ANKRD24: variants seen among roughly 807,000 people sequenced by gnomAD.
The protein encoded by ANKRD24 is ankyrin repeat domain 24.
A neutral mutation model predicts 127.8 loss-of-function variants in ANKRD24; 109 were observed. The ratio of observed to expected loss-of-function variants is 0.85; its 90% CI spans 0.73 to 1.00. The LOEUF is 1.00. Ranked by LOEUF, ANKRD24 falls within the 50% of genes least tolerant of loss-of-function variation. The probability of loss-of-function intolerance (pLI) is 0.00; values close to 1 mark genes in which losing one functional copy is unlikely to be tolerated. For synonymous variants in ANKRD24, 743 were observed against 671.1 expected (o/e 1.11, Z -1.66); for missense variants, 1,648 against 1,570.2 (o/e 1.05, Z -0.84).
Position 4,199,392 on chromosome 19 carries a change from TG to T in ANKRD24, c.37-290del, listed in dbSNP as rs1968953276. ...TGCCCCGCTGATGATTTTTATTTTT[TG>T]TAGAGACGGGGTCCTACTATGGTGC... On this transcript the variant is annotated intron_variant, in intron 2 of 21. Coordinates refer to ENST00000318934, the MANE Select transcript of ANKRD24 (RefSeq NM_001393985.1). This position sits in a 1 kb window ranked among gnomAD's most constrained non-coding sequence, Gnocchi z 5.2. The T allele has an allele frequency of 5.6e-6, 3 of 536,752 alleles. No homozygotes were observed. Among genetic ancestry groups the T allele is most frequent in the Non-Finnish European group, 7.1e-6 (3 of 420,362 alleles). 33.2% of individuals were successfully genotyped at this position (536,752 alleles called of 1,614,324 possible).
chr19:4,224,052 G>A, intron 20 of ANKRD24, 75 bp from the exon 21 acceptor site: 1 of 1,236,206 alleles, frequency 8.1e-7, no homozygotes. Context: ...GGGGTGCAAA[G>A]GGTGCTTTTT....
chr19:4,193,531 C>G (rs377020368), intron 2 of ANKRD24, among the ~76,000 whole-genome samples: 2 of 150,860 alleles, frequency 1.3e-5, no homozygotes, highest in African/African-American at 4.9e-5. Context: ...ATGGATTACA[C>G]CGAGGGAAAT....
chr19:4,200,057 G>A, intron 4 of ANKRD24, 26 bp from the exon 5 acceptor site: 1 of 1,571,784 alleles, frequency 6.4e-7, no homozygotes, highest in South Asian at 1.2e-5. Context: ...CAACCTTGCG[G>A]CTGAACCCTT....
intron 16 of ANKRD24, 114 bp downstream of exon 16, chr19:4,216,164 G>T (rs1197621527): frequency 1.4e-6 from 2 of 1,393,050 alleles, no homozygotes; most frequent in Non-Finnish European, 2.0e-6. Context: ...GTACTCATCC[G>T]TTTTTTAAAT....
rs557390053 is a variant in ANKRD24 at position 4,210,146 on chromosome 19, ATG to A, written c.951+9_951+10del. On this transcript the variant is annotated intron_variant, in intron 12 of 21. Coordinates refer to ENST00000318934, the MANE Select transcript of ANKRD24 (RefSeq NM_001393985.1). ...GCCAGCATTCCCATGCCGGTGAGAG[ATG>A]CTCTGGGCACGGGAGGAGGCATGGG... The A allele has an allele frequency of 1.1e-4, 178 of 1,603,762 alleles. No homozygotes were observed. The African/African-American group carries it at 2.0e-3, about 18-fold the overall frequency.
chr19:4,208,669 G>C (rs970646032), intron 10 of ANKRD24, 95 bp from the exon 11 acceptor site: 1 of 1,236,326 alleles, frequency 8.1e-7, no homozygotes, highest in African/African-American at 1.5e-5. Context: ...TGATTCTTGG[G>C]GAAATCGGGA....
At chr19:4,202,219 C>G in intron 6 of ANKRD24, 129 bp downstream of exon 6, 1 of 827,800 alleles carries the variant, frequency 1.2e-6, no homozygotes, top group Admixed American at 2.3e-5. Flanking sequence ...AGAACCCTAG[C>G]TACTCCCTGG....
Position 4,200,021 on chromosome 19 carries a change from C to G in ANKRD24, c.254+16C>G. The G allele has an allele frequency of 6.4e-7, 1 of 1,563,816 alleles. No homozygotes were observed. Among genetic ancestry groups the G allele is most frequent in the Non-Finnish European group, 8.7e-7 (1 of 1,152,178 alleles). The stretch of plus-strand genomic sequence containing the variant: ...GCAAGTCCGCGTGAGTGCCCGCGAC[C>G]CGGGAGTGAGATGGCTGAGGGGTGG... On this transcript the variant is annotated intron_variant, in intron 4 of 21. Transcript: ENST00000318934.
At chr19:4,210,193 G>A (rs1444654713) in intron 12 of ANKRD24, 55 bp downstream of exon 12, 7 of 1,569,372 alleles carry the variant, frequency 4.5e-6, no homozygotes, top group Non-Finnish European at 6.1e-6. Context: ...GGCACGGGGA[G>A]GGGCTCTGGC....
intron 16 of ANKRD24, 67 bp from the exon 17 acceptor site, chr19:4,216,217 C>A: frequency 6.8e-7 from 1 of 1,477,458 alleles, no homozygotes; most frequent in Non-Finnish European, 9.2e-7. Context: ...ATCCACCACT[C>A]CAGCCCCCCA....
At position 4,217,706 on chromosome 19, in the gene ANKRD24, A is replaced by C; in HGVS notation, c.2546A>C (p.Glu849Ala). 1 of 1,291,690 alleles carries C rather than the reference A, an allele frequency of 7.7e-7. No individual in the cohort carries two copies. The highest frequency in any genetic ancestry group is 9.8e-7 in the Non-Finnish European group (1 of 1,024,202). 80.0% of individuals were successfully genotyped at this position (1,291,690 alleles called of 1,614,324 possible). The change falls in exon 18 of 22, where the codon GAG (glutamate) becomes GCG (alanine). Residue 849 changes from glutamate (E) to alanine (A), a missense_variant. Physicochemically the swap from Glu to Ala is moderately radical, Grantham distance 107. Transcript: ENST00000318934. Reference protein sequence around the residue: ...REEARLEQSRELEVLREQLAT... With the variant: ...REEARLEQSRALEVLREQLAT... ...GAGGCGCGGCTGGAGCAGAGCCGGG[A>C]GCTGGAGGTTCTGCGGGAGCAGCTG...
chr19:4,194,592 T>C (rs763687685), intron 2 of ANKRD24, among the ~76,000 whole-genome samples: 12 of 152,186 alleles, frequency 7.9e-5, no homozygotes, highest in South Asian at 4.1e-4. Flanking sequence ...TGGGCTGCTG[T>C]GAGCAGTTTG....
At chr19:4,194,734 G>A (rs1968599018) in intron 2 of ANKRD24, among the ~76,000 whole-genome samples, 1 of 152,202 alleles carries the variant, frequency 6.6e-6, no homozygotes, top group South Asian at 2.1e-4. Context: ...GAAGAAGAAA[G>A]ATGCATCCCA....
chr19:4,214,891 A>C (rs1969971031), intron 15 of ANKRD24, among the ~76,000 whole-genome samples: 1 of 152,118 alleles, frequency 6.6e-6, no homozygotes, highest in Non-Finnish European at 1.5e-5. Flanking sequence ...AATCTCACAT[A>C]GTCACAGGAA....
chr19:4,216,098 G>A, intron 16 of ANKRD24, 48 bp downstream of exon 16: 2 of 1,536,672 alleles, frequency 1.3e-6, no homozygotes, highest in South Asian at 1.2e-5. Flanking sequence ...GTCCCCTGGG[G>A]CCCTGGAAGA....
chr19:4,199,587 A>T lies in ANKRD24; in HGVS notation c.37-96A>T, dbSNP rs1225584903. The T allele has an allele frequency of 8.3e-6, 12 of 1,446,392 alleles. No homozygotes were observed. Among genetic ancestry groups the T allele is most frequent in the Non-Finnish European group, 1.1e-5 (12 of 1,104,946 alleles). 89.6% of individuals were successfully genotyped at this position (1,446,392 alleles called of 1,614,324 possible). A position where few individuals can be genotyped will look rare whatever the true frequency, so the allele number is the denominator to read the frequency against. On this transcript the variant is annotated intron_variant, in intron 2 of 21. Transcript: ENST00000318934. This position sits in a 1 kb window ranked among gnomAD's most constrained non-coding sequence, Gnocchi z 5.2. Reference sequence around the variant, plus strand: ...TGCTGGTGGTGGGCTTTTGTTGGACAACTGGGGTGATGGGCCTGGGGGCAG... The same window carrying T: ...TGCTGGTGGTGGGCTTTTGTTGGACTACTGGGGTGATGGGCCTGGGGGCAG...
intron 11 of ANKRD24, among the ~76,000 whole-genome samples, chr19:4,209,229 G>A (rs1010711222): frequency 6.6e-6 from 1 of 151,932 alleles, no homozygotes; most frequent in Non-Finnish European, 1.5e-5. Context: ...TCCTGCCTCA[G>A]CCTCCCTAGT....
intron 20 of ANKRD24, among the ~76,000 whole-genome samples, chr19:4,223,399 A>ATTTTTTTTTTTTT (rs1248797551): frequency 1.6e-4 from 9 of 56,354 alleles, no homozygotes; most frequent in African/African-American, 7.0e-4. Context: ...ATATATATAT[A>ATTTTTTTTTTTTT]TATTTTTTTT....
chr19:4,201,926 T>C lies in ANKRD24; in HGVS notation c.344-100T>C, dbSNP rs150937548. The C allele has an allele frequency of 5.6e-5, 59 of 1,054,082 alleles. No homozygotes were observed. In the East Asian group the frequency reaches 1.4e-3, roughly 25 times the overall value. The allele number at this position is 1,054,082 out of a possible 1,614,324, so 65.3% of individuals were successfully genotyped here. On this transcript the variant is annotated intron_variant, in intron 5 of 21. Coordinates refer to ENST00000318934, the MANE Select transcript of ANKRD24 (RefSeq NM_001393985.1). The stretch of plus-strand genomic sequence containing the variant: ...AAATACTAGGGTTTACGGACTTTGC[T>C]AGACTCAGAAACTCATCACAAGTAG...
Sources: gnomAD v4.1 joint callset for allele counts (sites outside exome capture counted in the v4.1 genomes callset) on GRCh38, gnomAD v4.1.1 for gene constraint, Gnocchi (gnomAD v3.1) non-coding constraint, MANE v1.5 for transcripts, NCBI Gene and HGNC (gene_info 2026-07-23, HGNC 2026-07-21) for gene names.